The following RAP1A variants were observed in gnomAD, a reference collection of about 807,000 sequenced individuals.
RAP1A encodes the protein RAP1A, member of RAS oncogene family.
A neutral mutation model predicts 26.4 loss-of-function variants in RAP1A; 6 were observed. The ratio of observed to expected loss-of-function variants is 0.23; its 90% CI spans 0.12 to 0.45. The LOEUF (loss-of-function observed/expected upper bound fraction) is 0.45. RAP1A is among the 20% of genes least tolerant of loss of function. The pLI is 0.99. For synonymous variants in RAP1A, 73 were observed against 79.4 expected, an observed-to-expected ratio of 0.92 and a Z score of 0.43; for missense variants, 121 against 217.2, an observed-to-expected ratio of 0.56 and a Z score of 2.78.
At chr1:111,700,138 T>C (rs1001167404) in intron 4 of RAP1A, among the ~76,000 whole-genome samples, 5 of 152,196 alleles carry the variant, frequency 3.3e-5, no homozygotes, top group Non-Finnish European at 7.3e-5. Flanking sequence ...CTAACAACAC[T>C]GCTTTGGAGA....
At chr1:111,701,437 C>A (rs556754120) in intron 4 of RAP1A, among the ~76,000 whole-genome samples, 1 of 152,192 alleles carries the variant, frequency 6.6e-6, no homozygotes, top group African/African-American at 2.4e-5. Flanking sequence ...TCAAAATAAA[C>A]TCCCAACCTT....
At chr1:111,683,933 T>TCCAGCAA (rs1243851017) in intron 1 of RAP1A, among the ~76,000 whole-genome samples, 1 of 152,182 alleles carries the variant, frequency 6.6e-6, no homozygotes, top group African/African-American at 2.4e-5. Flanking sequence ...GCAAACTGAA[T>TCCAGCAA]CCAGCAACGC....
chr1:111,695,171 T>G (rs776434300), intron 2 of RAP1A, among the ~76,000 whole-genome samples, 170 bp from the exon 3 acceptor site: 1 of 149,552 alleles, frequency 6.7e-6, no homozygotes, highest in Non-Finnish European at 1.5e-5. Context: ...AAATGTACTC[T>G]TAGTTATGGA....
intron 1 of RAP1A, among the ~76,000 whole-genome samples, chr1:111,651,473 A>T (rs1276801460): frequency 3.2e-5 from 4 of 123,816 alleles, no homozygotes; most frequent in Non-Finnish European, 6.6e-5. Flanking sequence ...TATATATATA[A>T]TTTTTTTTTT....
intron 1 of RAP1A, among the ~76,000 whole-genome samples, chr1:111,545,645 A>G (rs560727250): frequency 2.6e-4 from 40 of 151,926 alleles, no homozygotes; most frequent in Non-Finnish European, 5.0e-4. Context: ...CAACTTCTCT[A>G]TTTGTCTTTT....
intron 1 of RAP1A, among the ~76,000 whole-genome samples, chr1:111,562,792 C>T (rs1439061785): frequency 6.6e-6 from 1 of 152,298 alleles, no homozygotes; most frequent in South Asian, 2.1e-4. Flanking sequence ...AGACTAAAAC[C>T]AAGATTAGCT....
chr1:111,663,974 T>C lies in RAP1A; in HGVS notation c.-27-27360T>C, dbSNP rs74109847. On this transcript the variant is annotated intron_variant, in intron 1 of 7. Transcript: ENST00000369709. ...CAGAGTACTCATAGAGCTTTCTTTT[T>C]TCTCTTCAAACTCTTGCTCAAAAGC... 1.5e-3 allele frequency among the ~76,000 whole-genome samples: 234 copies of C among 152,344 alleles called. 1 individual carries two copies. The highest frequency in any genetic ancestry group is 6.8e-3 in the Middle Eastern group (2 of 294).
At chr1:111,692,127 T>C (rs1661689196) in intron 2 of RAP1A, among the ~76,000 whole-genome samples, 1 of 152,080 alleles carries the variant, frequency 6.6e-6, no homozygotes, top group Non-Finnish European at 1.5e-5. Context: ...GAGGATTGAG[T>C]AAGTGGTAGA....
chr1:111,664,603 A>G (rs746887590), intron 1 of RAP1A, among the ~76,000 whole-genome samples: 1 of 152,096 alleles, frequency 6.6e-6, no homozygotes. Flanking sequence ...GCTTCAAGAA[A>G]TACATACAAA....
intron 4 of RAP1A, among the ~76,000 whole-genome samples, chr1:111,701,322 A>G (rs1422270120): frequency 6.6e-6 from 1 of 152,030 alleles, no homozygotes; most frequent in Non-Finnish European, 1.5e-5. Context: ...CCTCCACATA[A>G]CCATAGAGCT....
At chr1:111,670,197 C>T (rs557442083) in intron 1 of RAP1A, among the ~76,000 whole-genome samples, 4 of 152,176 alleles carry the variant, frequency 2.6e-5, no homozygotes, top group South Asian at 2.1e-4. Flanking sequence ...TGGTCCCAGG[C>T]GCATTGGTGC....
chr1:111,560,162 C>T (rs1224192884), intron 1 of RAP1A, among the ~76,000 whole-genome samples: 1 of 152,192 alleles, frequency 6.6e-6, no homozygotes, highest in Non-Finnish European at 1.5e-5. Flanking sequence ...ATTCTCTTAG[C>T]ATACTTATCT....
At chr1:111,612,168 A>AT (rs1658936714) in intron 1 of RAP1A, among the ~76,000 whole-genome samples, 1 of 152,146 alleles carries the variant, frequency 6.6e-6, no homozygotes, top group Non-Finnish European at 1.5e-5. Flanking sequence ...TTCTCTTCTG[A>AT]TAAAAAAAGA....
chr1:111,646,122 T>A (rs556482206), intron 1 of RAP1A, among the ~76,000 whole-genome samples: 36 of 152,382 alleles, frequency 2.4e-4, no homozygotes, highest in Admixed American at 5.2e-4. Flanking sequence ...TTTTATATAG[T>A]TGAAGGCAGT....
At chr1:111,623,935 G>A (rs917124499) in intron 1 of RAP1A, among the ~76,000 whole-genome samples, 3 of 152,128 alleles carry the variant, frequency 2.0e-5, no homozygotes, top group African/African-American at 7.2e-5. Flanking sequence ...ATGTGATAGG[G>A]ACACCGTAAA....
chr1:111,619,874 G>A lies in RAP1A; in HGVS notation c.-88G>A. 2.6e-6 allele frequency: 1 copy of A among 389,014 alleles called. No homozygotes were observed. Among genetic ancestry groups the A allele is most frequent in the Non-Finnish European group, 4.5e-6 (1 of 220,228 alleles). The allele number at this position is 389,014 out of a possible 1,614,324, so 24.1% of individuals were successfully genotyped here. A position where few individuals can be genotyped will look rare whatever the true frequency, so the allele number is the denominator to read the frequency against. On this transcript the variant is annotated 5_prime_UTR_variant, in exon 1 of 8. Transcript: ENST00000369709. Reference sequence around the variant, plus strand: ...AGCAGGAGCCACGGCCGAGAGGAGGGAGGAGGAGGAGGAGGAGGTGGAGGA... The same window carrying A: ...AGCAGGAGCCACGGCCGAGAGGAGGAAGGAGGAGGAGGAGGAGGTGGAGGA...
chr1:111,691,741 A>G (rs1661677643), intron 2 of RAP1A, among the ~76,000 whole-genome samples: 1 of 152,244 alleles, frequency 6.6e-6, no homozygotes, highest in South Asian at 2.1e-4. Flanking sequence ...TACAGATTCT[A>G]GTGGGATAAT....
intron 4 of RAP1A, among the ~76,000 whole-genome samples, chr1:111,699,435 A>G (rs1301284693): frequency 7.0e-6 from 1 of 142,054 alleles, no homozygotes; most frequent in Non-Finnish European, 1.5e-5. Flanking sequence ...ATTACTCACT[A>G]CTTTTTTCTT....
In RAP1A at chr1:111,613,609, C is replaced by T. The variant is rs182172324; in HGVS notation, c.-28+71100C>T. 1.1e-4 allele frequency among the ~76,000 whole-genome samples: 17 copies of T among 152,288 alleles called. No homozygotes were observed. In the East Asian group the frequency reaches 1.5e-3, roughly 14 times the overall value. ...GCCAACATGATAGGATTAAATGAAA[C>T]GCTATGTGACTAGTACATAGCTTAT... On this transcript the variant is annotated intron_variant, in intron 1 of 7. Coordinates refer to the RAP1A transcript ENST00000356415.
Sources: allele counts gnomAD v4.1 joint callset (sites outside exome capture counted in the v4.1 genomes callset), GRCh38; gene constraint gnomAD v4.1.1; transcripts MANE v1.5; gene names NCBI Gene and HGNC (gene_info 2026-07-23, HGNC 2026-07-21).